Variants in GPRC6A observed in about 807,000 individuals in gnomAD.
GPRC6A encodes the protein G protein-coupled receptor family C group 6 member A.
GPRC6A carries 54 observed loss-of-function variants against 47.0 expected under a neutral mutation model. The observed-to-expected ratio is 1.15, with a 90% CI of 0.92 to 1.44. The LOEUF (loss-of-function observed/expected upper bound fraction) is 1.44. Among genes scored for constraint, GPRC6A ranks in the 40% most tolerant of loss-of-function variants. GPRC6A has a pLI of 0.00. For synonymous variants in GPRC6A, 347 were observed against 377.1 expected (o/e 0.92, Z 0.93); for missense variants, 1,112 against 1,105.5 (o/e 1.01, Z -0.08).
intron 1 of GPRC6A, among the ~76,000 whole-genome samples, chr6:116,822,132 A>C (rs2114621673): frequency 6.9e-6 from 1 of 144,332 alleles, no homozygotes; most frequent in South Asian, 2.2e-4. Flanking sequence ...ACTGGCCATC[A>C]GAGAAATGCA....
intron 1 of GPRC6A, among the ~76,000 whole-genome samples, chr6:116,810,084 A>G (rs1772977103): frequency 6.6e-6 from 1 of 152,152 alleles, no homozygotes; most frequent in Non-Finnish European, 1.5e-5. Flanking sequence ...CTCCTAGATA[A>G]AGTGTCTTAT....
chr6:116,796,955 T>C (rs576966524), intron 4 of GPRC6A, among the ~76,000 whole-genome samples: 132 of 152,248 alleles, frequency 8.7e-4, no homozygotes, highest in African/African-American at 3.0e-3. Context: ...CATATGTATA[T>C]ATGTGCCATG....
At chr6:116,813,088 A>G (rs890462612) in intron 1 of GPRC6A, among the ~76,000 whole-genome samples, 2 of 152,210 alleles carry the variant, frequency 1.3e-5, no homozygotes, top group Non-Finnish European at 2.9e-5. Context: ...ACTACAAACC[A>G]CTGCTCAATG....
chr6:116,824,354 A>G (rs1389194709), intron 1 of GPRC6A, among the ~76,000 whole-genome samples: 2 of 151,936 alleles, frequency 1.3e-5, no homozygotes, highest in Non-Finnish European at 2.9e-5. Context: ...TAGCTAGATT[A>G]ACTGAAAAAA....
At position 116,829,001 on chromosome 6, in the gene GPRC6A, T is replaced by C. The variant is rs1562118694; in HGVS notation, c.13A>G (p.Ile5Val). The change falls in exon 1 of 6, where the codon ATT becomes GTT. Residue 5 changes from isoleucine to valine, a missense_variant. Ile to Val is a conservative substitution (Grantham distance 29). Coordinates refer to ENST00000310357, the MANE Select transcript of GPRC6A (RefSeq NM_148963.4). The stretch of plus-strand genomic sequence containing the variant: ...ATCACAAAGCAGGTAATTAGTATAA[T>C]TAAGAATGCCATGTTTCTATCTCAT... MAFL[I>V]ILITCFVIIL... The C allele has an allele frequency of 1.2e-6, 2 of 1,611,536 alleles. No homozygotes were observed. Among genetic ancestry groups the C allele is most frequent in the Non-Finnish European group, 1.7e-6 (2 of 1,178,616 alleles).
chr6:116,793,738 G>T (rs951452166), intron 5 of GPRC6A, among the ~76,000 whole-genome samples: 1 of 152,048 alleles, frequency 6.6e-6, no homozygotes, highest in Non-Finnish European at 1.5e-5. Context: ...TTGTGATGCC[G>T]TACTTAATGA....
chr6:116,792,699 G>T lies in GPRC6A; in HGVS notation c.2224C>A (p.Leu742Met). ...AGTATGGATCCCTCCTCACACTCCA[G>T]GATGATGACTCTGGGCAAGGAGACA... ...VNVSLPRVII[L>M]ECEEGSILAF... The change falls in exon 6 of 6, where the codon CTG becomes ATG. Residue 742 changes from leucine to methionine, a missense_variant. Coordinates refer to ENST00000310357, the MANE Select transcript of GPRC6A (RefSeq NM_148963.4). 4 of 1,613,128 alleles carry T rather than the reference G, an allele frequency of 2.5e-6. No homozygotes were observed. The highest frequency in any genetic ancestry group is 3.4e-6 in the Non-Finnish European group (4 of 1,179,250).
At chr6:116,826,598 T>C (rs1303194020) in intron 1 of GPRC6A, among the ~76,000 whole-genome samples, 2 of 151,920 alleles carry the variant, frequency 1.3e-5, no homozygotes, top group East Asian at 1.9e-4. Context: ...ATCTACACTA[T>C]TGGAGAAAAT....
At position 116,795,837 on chromosome 6, in the gene GPRC6A, T is replaced by C; in HGVS notation, c.1549-2A>G. On this transcript the variant is annotated splice_acceptor_variant, in intron 4 of 5. Transcript: ENST00000310357. LOFTEE classifies it high-confidence loss of function. ...CTTGGAGCATTTAGATTGAATTTGCTATATTAAAAGTGAAAAAAAAAATCA... is the reference window on the plus strand; with the variant it reads ...CTTGGAGCATTTAGATTGAATTTGCCATATTAAAAGTGAAAAAAAAAATCA... 6.3e-7 allele frequency: 1 copy of C among 1,587,574 alleles called. No individual in the cohort carries two copies. Among genetic ancestry groups the C allele is most frequent in the Non-Finnish European group, 8.6e-7 (1 of 1,164,992 alleles).
At position 116,819,024 on chromosome 6, in the gene GPRC6A, A is replaced by C. The variant is rs561602025; in HGVS notation, c.195-9407T>G. 2.7e-3 allele frequency among the ~76,000 whole-genome samples: 410 copies of C among 152,294 alleles called. 1 individual carries two copies. Among genetic ancestry groups the C allele is most frequent in the Non-Finnish European group, 3.8e-3 (256 of 68,014 alleles). ...AAGGATGGACGAAGATCTACCAAGC[A>C]AATGGAAAACAAAAAAAGGCAGGGG... is the stretch of plus-strand genomic sequence containing the variant. On this transcript the variant is annotated intron_variant, in intron 1 of 5. Transcript: ENST00000310357.
rs747173108 is a variant in GPRC6A, at chr6:116,795,825, G to C, written c.1559C>G (p.Ser520Cys). 2.8e-5 allele frequency: 45 copies of C among 1,593,694 alleles called. No individual in the cohort carries two copies. The highest frequency in any genetic ancestry group is 3.6e-5 in the Non-Finnish European group (42 of 1,168,196). ...AGGACTGCATTCCTTGGAGCATTTA[G>C]ATTGAATTTGCTATATTAAAAGTGA... ...NEFRNLKQIQ[S>C]KCSKECSPGQ... Residue 520 changes from serine to cysteine, a missense_variant, in exon 5 of 6, where the codon TCT becomes TGT. By Grantham distance (112) the Ser-to-Cys change is moderately radical. Coordinates refer to ENST00000310357, the MANE Select transcript of GPRC6A (RefSeq NM_148963.4).
chr6:116,811,782 G>A (rs971878205), intron 1 of GPRC6A, among the ~76,000 whole-genome samples: 20 of 151,412 alleles, frequency 1.3e-4, no homozygotes, highest in African/African-American at 4.4e-4. Context: ...TGAACCTGAA[G>A]ACAGTTCAGG....
chr6:116,826,926 G>A (rs1285119257), intron 1 of GPRC6A, among the ~76,000 whole-genome samples: 1 of 151,908 alleles, frequency 6.6e-6, no homozygotes, highest in Non-Finnish European at 1.5e-5. Flanking sequence ...AGGCCATTAT[G>A]TTAAGTGAAA....
chr6:116,822,891 T>TAAAAAAAAAA (rs757893318), intron 1 of GPRC6A, among the ~76,000 whole-genome samples: 5 of 117,518 alleles, frequency 4.3e-5, no homozygotes, highest in African/African-American at 6.4e-5. Flanking sequence ...TACTAGTCTC[T>TAAAAAAAAAA]AAAAAAAAAA....
In GPRC6A at chr6:116,806,904, T is replaced by C; in HGVS notation, c.801A>G (p.Leu267=). 6.2e-7 allele frequency: 1 copy of C among 1,613,768 alleles called. No homozygotes were observed. The highest frequency in any genetic ancestry group is 8.5e-7 in the Non-Finnish European group (1 of 1,179,814). The stretch of plus-strand genomic sequence containing the variant: ...CCACAATGACATTAACCTGGGCTTC[T>C]AAAATGATTTTCTTCAGTGTCCGAT... ...RINRTLKKII[L]EAQVNVIVVF... is the part of the protein sequence containing the mutation. The change falls in exon 3 of 6, where the codon TTA becomes TTG. Residue 267 remains leucine (L), a synonymous_variant. Transcript: ENST00000310357.
rs778258625 is a variant in GPRC6A at position 116,792,445 on chromosome 6, C to T, written c.2478G>A (p.Leu826=). 1 of 1,613,804 alleles carries T rather than the reference C, an allele frequency of 6.2e-7. No individual in the cohort carries two copies. ...IVILISNYGI[L]YCTFIPKCYV... ...AGCATTTGGGGATGAATGTGCAATA[C>T]AGGATTCCATAGTTAGATATTAATA... The change falls in exon 6 of 6, where the codon CTG becomes CTA. Residue 826 remains leucine, a synonymous_variant. Transcript: ENST00000310357.
Position 116,800,510 on chromosome 6 carries a change from G to A in GPRC6A, c.1548+74C>T, listed in dbSNP as rs1025711888. 71 of 906,444 alleles carry A rather than the reference G, an allele frequency of 7.8e-5. 3 individuals carry two copies. The highest frequency in any genetic ancestry group is 5.6e-6 in the Non-Finnish European group (3 of 538,472). The allele number at this position is 906,444 out of a possible 1,614,324, so 56.2% of individuals were successfully genotyped here. A position where few individuals can be genotyped will look rare whatever the true frequency, so the allele number is the denominator to read the frequency against. On this transcript the variant is annotated intron_variant, in intron 4 of 5. Transcript: ENST00000310357. ...TTTGGCCAGATGAGTATGATGAAGA[G>A]TGGGGGCCAAGGACTTTTGCAGTTG...
At chr6:116,809,703 A>T in intron 1 of GPRC6A, 86 bp from the exon 2 acceptor site, 1 of 846,656 alleles carries the variant, frequency 1.2e-6, no homozygotes, top group South Asian at 1.7e-5. Flanking sequence ...ATCTCCTCAT[A>T]GCAATTTCTG....
At chr6:116,798,934 A>T (rs1772575266) in intron 4 of GPRC6A, among the ~76,000 whole-genome samples, 1 of 152,006 alleles carries the variant, frequency 6.6e-6, no homozygotes, top group Non-Finnish European at 1.5e-5. Flanking sequence ...GGGGAGGCAG[A>T]AAACCTTCTA....
Sources: allele counts gnomAD v4.1 joint callset (sites outside exome capture counted in the v4.1 genomes callset), GRCh38; gene constraint gnomAD v4.1.1; transcripts MANE v1.5; gene names NCBI Gene and HGNC (gene_info 2026-07-23, HGNC 2026-07-21).